Variants in CNTN5 observed in about 807,000 individuals in gnomAD.
CNTN5 encodes contactin 5.
In CNTN5, 77 loss-of-function variants were observed where a neutral mutation model predicts 129.1. That is an observed-to-expected ratio of 0.60 (90% confidence interval 0.50 to 0.72). The LOEUF (loss-of-function observed/expected upper bound fraction) is 0.72, where lower values mean the gene tolerates loss of function less well. Among genes scored for constraint, CNTN5 ranks in the 30% least tolerant of loss-of-function variants. The probability of loss-of-function intolerance (pLI) is 0.00; values close to 1 mark genes in which losing one functional copy is unlikely to be tolerated. For synonymous variants in CNTN5, 509 were observed against 465.6 expected (o/e 1.09, Z -1.20); for missense variants, 1,478 against 1,328.8 (o/e 1.11, Z -1.75).
chr11:99,890,384 C>T (rs1460436719), intron 6 of CNTN5, among the ~76,000 whole-genome samples: 3 of 151,524 alleles, frequency 2.0e-5, no homozygotes, highest in Admixed American at 6.6e-5. Flanking sequence ...CTCTCTCTTC[C>T]TTATATATAT....
intron 1 of CNTN5, among the ~76,000 whole-genome samples, chr11:99,214,501 C>A (rs146443453): frequency 2.7e-5 from 4 of 150,792 alleles, no homozygotes; most frequent in Admixed American, 2.0e-4. Flanking sequence ...TGAACTTTGA[C>A]AAATCCTTTA....
intron 3 of CNTN5, among the ~76,000 whole-genome samples, chr11:99,738,707 A>C (rs1943793042): frequency 6.6e-6 from 1 of 151,736 alleles, no homozygotes; most frequent in Admixed American, 6.6e-5. Context: ...TGAGTGAGAA[A>C]TGAAGCTGAA....
intron 18 of CNTN5, among the ~76,000 whole-genome samples, chr11:100,295,136 T>C (rs182697659): frequency 2.6e-5 from 4 of 151,724 alleles, no homozygotes; most frequent in African/African-American, 9.6e-5. Context: ...CCATAATGCC[T>C]CTCTTGTCAG....
intron 3 of CNTN5, among the ~76,000 whole-genome samples, chr11:99,639,350 G>C (rs1453051212): frequency 6.6e-6 from 1 of 152,158 alleles, no homozygotes; most frequent in Non-Finnish European, 1.5e-5. Context: ...GAAGCTCTCT[G>C]ACATGGCCTG....
intron 9 of CNTN5, among the ~76,000 whole-genome samples, chr11:100,014,808 A>G (rs1275193272): frequency 6.6e-6 from 1 of 151,932 alleles, no homozygotes; most frequent in Non-Finnish European, 1.5e-5. Context: ...CTCCAACTGC[A>G]CCTCTTAATT....
intron 1 of CNTN5, among the ~76,000 whole-genome samples, chr11:99,058,681 A>T (rs1036604462): frequency 2.0e-5 from 3 of 151,656 alleles, no homozygotes; most frequent in Non-Finnish European, 4.4e-5. Flanking sequence ...TGTGTGTCCT[A>T]TGCTTGCTTC....
chr11:99,570,036 C>T (rs1712881457), intron 3 of CNTN5, among the ~76,000 whole-genome samples: 1 of 151,660 alleles, frequency 6.6e-6, no homozygotes, highest in Admixed American at 6.6e-5. Flanking sequence ...TTTGAATAGT[C>T]AATGTCTTCA....
intron 21 of CNTN5, chr11:100,309,581 A>G (rs145870299): frequency 1.0e-6 from 1 of 983,534 alleles, no homozygotes; most frequent in African/African-American, 1.7e-5. Context: ...AATGTGATGA[A>G]TATTTCTGTT....
chr11:99,926,037 A>C (rs1435386789), intron 7 of CNTN5, among the ~76,000 whole-genome samples: 2 of 152,160 alleles, frequency 1.3e-5, no homozygotes, highest in Admixed American at 1.3e-4. Flanking sequence ...AGGAATAATA[A>C]AAGCTACCTC....
chr11:100,162,182 G>A (rs1010909883), intron 13 of CNTN5, among the ~76,000 whole-genome samples: 1 of 151,804 alleles, frequency 6.6e-6, no homozygotes, highest in Non-Finnish European at 1.5e-5. Context: ...TACCAACGCA[G>A]AAGGTTGTCA....
At chr11:99,865,891 T>C (rs1414361982) in intron 6 of CNTN5, among the ~76,000 whole-genome samples, 2 of 152,162 alleles carry the variant, frequency 1.3e-5, no homozygotes, top group South Asian at 2.1e-4. Context: ...ACACTAGCCA[T>C]ATGGATTCAA....
chr11:99,599,243 T>C (rs1247837838), intron 3 of CNTN5, among the ~76,000 whole-genome samples: 1 of 152,104 alleles, frequency 6.6e-6, no homozygotes, highest in Non-Finnish European at 1.5e-5. Flanking sequence ...TTGGATTTTA[T>C]AAAATAACTA....
chr11:99,894,608 C>T (rs747958474), intron 6 of CNTN5, among the ~76,000 whole-genome samples: 11 of 150,260 alleles, frequency 7.3e-5, no homozygotes, highest in Non-Finnish European at 1.5e-4. Flanking sequence ...CATGAATTCA[C>T]AGCAGTTAGA....
intron 1 of CNTN5, among the ~76,000 whole-genome samples, chr11:99,165,163 T>C (rs1382340499): frequency 6.6e-6 from 1 of 152,196 alleles, no homozygotes; most frequent in Non-Finnish European, 1.5e-5. Context: ...GTTAATGAGG[T>C]TGTAAATCTG....
intron 21 of CNTN5, 72 bp downstream of exon 21, chr11:100,308,540 G>A: frequency 2.0e-6 from 3 of 1,486,950 alleles, no homozygotes; most frequent in South Asian, 2.7e-5. Context: ...GAGAGGTTTT[G>A]GTGACACCTC....
At chr11:99,470,675 C>T (rs962202587) in intron 2 of CNTN5, among the ~76,000 whole-genome samples, 1 of 151,982 alleles carries the variant, frequency 6.6e-6, no homozygotes, top group African/African-American at 2.4e-5. Context: ...AAAGAGGCAT[C>T]AAACTTGATT....
At chr11:99,722,936 T>C (rs1169116409) in intron 3 of CNTN5, among the ~76,000 whole-genome samples, 1 of 152,086 alleles carries the variant, frequency 6.6e-6, no homozygotes, top group Non-Finnish European at 1.5e-5. Flanking sequence ...CAGACACTTA[T>C]TTCCATTGTC....
intron 2 of CNTN5, among the ~76,000 whole-genome samples, chr11:99,444,497 A>C (rs1409432034): frequency 1.3e-5 from 2 of 152,218 alleles, no homozygotes; most frequent in African/African-American, 4.8e-5. Context: ...AGTGAGAAAA[A>C]AAGTGTAATA....
chr11:99,699,360 C>T (rs1954416729), intron 3 of CNTN5, among the ~76,000 whole-genome samples: 1 of 151,322 alleles, frequency 6.6e-6, no homozygotes. Context: ...AGTATATGTC[C>T]TAATTTGAGT....
Sources: gnomAD v4.1 joint callset for allele counts (sites outside exome capture counted in the v4.1 genomes callset) on GRCh38, gnomAD v4.1.1 for gene constraint, MANE v1.5 for transcripts, NCBI Gene and HGNC (gene_info 2026-07-23, HGNC 2026-07-21) for gene names.